The following SEMA3E variants were observed in gnomAD, a reference collection of about 807,000 sequenced individuals.
The protein encoded by SEMA3E is semaphorin 3E.
A neutral mutation model predicts 93.6 loss-of-function variants in SEMA3E; 49 were observed. The ratio of observed to expected loss-of-function variants is 0.52; its 90% CI spans 0.42 to 0.66. The LOEUF is 0.66. Ranked by LOEUF, SEMA3E falls within the 30% of genes least tolerant of loss-of-function variation. The pLI is 0.00. For synonymous variants in SEMA3E, 363 were observed against 330.7 expected (o/e 1.10, Z -1.06); for missense variants, 906 against 964.8 (o/e 0.94, Z 0.81).
Position 83,408,378 on chromosome 7 carries a change from A to T in SEMA3E, c.660T>A (p.Arg220=). The part of the protein sequence containing the change: ...AHIRTEHDDE[R]LLKEPKFVGS... ...TTTCCTCATCCTTACCTTTCAACAGACGCTCATCGTCATGCTCAGTGCGGA... is the reference window on the plus strand; with the variant it reads ...TTTCCTCATCCTTACCTTTCAACAGTCGCTCATCGTCATGCTCAGTGCGGA... The change falls in exon 6 of 17, where the codon CGT becomes CGA. Residue 220 remains arginine (R), a synonymous_variant. Transcript: ENST00000643230. 6.2e-7 allele frequency: 1 copy of T among 1,613,756 alleles called. No individual in the cohort carries two copies. The highest frequency in any genetic ancestry group is 8.5e-7 in the Non-Finnish European group (1 of 1,179,830).
At chr7:83,583,318 G>A (rs1792552864) in intron 1 of SEMA3E, among the ~76,000 whole-genome samples, 2 of 152,172 alleles carry the variant, frequency 1.3e-5, no homozygotes, top group South Asian at 2.1e-4. Context: ...AGGATAATTA[G>A]CATTTTCATC....
chr7:83,469,802 C>A (rs1584270046), intron 2 of SEMA3E, among the ~76,000 whole-genome samples: 1 of 151,898 alleles, frequency 6.6e-6, no homozygotes, highest in South Asian at 2.1e-4. Flanking sequence ...TATTTATTAT[C>A]TTTTATTTTT....
intron 1 of SEMA3E, among the ~76,000 whole-genome samples, chr7:83,586,665 AG>A (rs1792633954): frequency 6.6e-6 from 1 of 151,648 alleles, no homozygotes; most frequent in Admixed American, 6.6e-5. Context: ...GACAAGCAGA[AG>A]AAGGGATTAT....
chr7:83,409,570 TTGCAATGTGTA>T (rs1356550966), intron 5 of SEMA3E, among the ~76,000 whole-genome samples: 7 of 152,146 alleles, frequency 4.6e-5, no homozygotes, highest in African/African-American at 1.7e-4. Flanking sequence ...TTTGTTAAGT[TTGCAATGTGTA>T]TGCATACACA....
chr7:83,438,411 T>C (rs757281256), intron 4 of SEMA3E, among the ~76,000 whole-genome samples: 1 of 152,136 alleles, frequency 6.6e-6, no homozygotes, highest in Non-Finnish European at 1.5e-5. Flanking sequence ...AAAATGAAGT[T>C]TCGTAGTAAT....
chr7:83,538,289 A>C (rs1791446727), intron 1 of SEMA3E, among the ~76,000 whole-genome samples: 1 of 152,180 alleles, frequency 6.6e-6, no homozygotes, highest in Non-Finnish European at 1.5e-5. Flanking sequence ...AAGCAGCTGC[A>C]TCATTTTACA....
chr7:83,561,002 T>G (rs886097943), intron 1 of SEMA3E, among the ~76,000 whole-genome samples: 1 of 152,072 alleles, frequency 6.6e-6, no homozygotes, highest in Non-Finnish European at 1.5e-5. Flanking sequence ...ATTTACTAAT[T>G]TAGAAATCCT....
intron 16 of SEMA3E, among the ~76,000 whole-genome samples, chr7:83,381,554 T>G: frequency 6.6e-6 from 1 of 151,998 alleles, no homozygotes; most frequent in East Asian, 1.9e-4. Context: ...TTTTTTTCTT[T>G]ATCATTATCT....
At position 83,394,299 on chromosome 7, in the gene SEMA3E, G is replaced by C; in HGVS notation, c.1498C>G (p.Arg500Gly). The C allele has an allele frequency of 6.2e-7, 1 of 1,612,594 alleles. No individual in the cohort carries two copies. The highest frequency in any genetic ancestry group is 1.7e-4 in the Middle Eastern group (1 of 6,048). ...PIISMEISSK[R>G]QQLYIGSASA... Reference sequence around the variant, plus strand: ...ACACACACACACACAGAACTTACCCGCTTTGAAGAAATCTCCATAGAAATA... The same window carrying C: ...ACACACACACACACAGAACTTACCCCCTTTGAAGAAATCTCCATAGAAATA... The change falls in exon 13 of 17, where the codon CGG becomes GGG. Residue 500 changes from arginine (R) to glycine (G), a missense_variant and splice_region_variant. Transcript: ENST00000643230.
intron 1 of SEMA3E, among the ~76,000 whole-genome samples, chr7:83,499,385 GTAAT>G (rs1790552427): frequency 1.3e-5 from 2 of 152,104 alleles, no homozygotes; most frequent in Admixed American, 6.5e-5. Context: ...TAAACCATAT[GTAAT>G]TAAAGTTTAG....
At chr7:83,646,344 G>T (rs930202673) in intron 1 of SEMA3E, among the ~76,000 whole-genome samples, 3 of 151,934 alleles carry the variant, frequency 2.0e-5, no homozygotes, top group Non-Finnish European at 4.4e-5. Context: ...TATTGTATTG[G>T]TGGGACTGAA....
At chr7:83,408,103 G>T (rs532674754) in intron 6 of SEMA3E, among the ~76,000 whole-genome samples, 2 of 152,152 alleles carry the variant, frequency 1.3e-5, no homozygotes, top group East Asian at 3.9e-4. Flanking sequence ...TCATACATTT[G>T]TTTTGTTTTC....
chr7:83,646,962 T>A (rs910077000), intron 1 of SEMA3E, among the ~76,000 whole-genome samples: 5 of 152,036 alleles, frequency 3.3e-5, no homozygotes, highest in Non-Finnish European at 5.9e-5. Context: ...TCAATTATAT[T>A]TTTTTGCATT....
intron 9 of SEMA3E, among the ~76,000 whole-genome samples, chr7:83,404,376 C>T (rs988153501): frequency 6.6e-6 from 1 of 151,776 alleles, no homozygotes; most frequent in Admixed American, 6.6e-5. Flanking sequence ...CCCACGTAAG[C>T]ACAGTATACA....
At chr7:83,639,238 A>T (rs1793949657) in intron 1 of SEMA3E, among the ~76,000 whole-genome samples, 1 of 151,034 alleles carries the variant, frequency 6.6e-6, no homozygotes, top group African/African-American at 2.4e-5. Flanking sequence ...CACTCTGTGT[A>T]GCATTCATTT....
At chr7:83,559,297 A>G (rs1040598094) in intron 1 of SEMA3E, among the ~76,000 whole-genome samples, 1 of 152,116 alleles carries the variant, frequency 6.6e-6, no homozygotes, top group African/African-American at 2.4e-5. Context: ...TTGTGCAACC[A>G]TAAAAAGTCA....
intron 4 of SEMA3E, among the ~76,000 whole-genome samples, chr7:83,460,129 C>T (rs978801642): frequency 1.3e-5 from 2 of 152,174 alleles, no homozygotes; most frequent in African/African-American, 4.8e-5. Flanking sequence ...AATTTGGTGC[C>T]GTGATTCAGA....
intron 1 of SEMA3E, among the ~76,000 whole-genome samples, chr7:83,498,518 C>A (rs543635145): frequency 6.6e-6 from 1 of 151,806 alleles, no homozygotes; most frequent in African/African-American, 2.4e-5. Flanking sequence ...CACTCTGTTG[C>A]CCCCGCTGGA....
intron 2 of SEMA3E, among the ~76,000 whole-genome samples, chr7:83,482,091 G>C (rs1169654166): frequency 3.3e-5 from 5 of 152,122 alleles, no homozygotes; most frequent in African/African-American, 1.2e-4. Context: ...CTAATGTGCA[G>C]CCAAGGTTGC....
Sources: allele counts gnomAD v4.1 joint callset (sites outside exome capture counted in the v4.1 genomes callset), GRCh38; gene constraint gnomAD v4.1.1; transcripts MANE v1.5; gene names NCBI Gene and HGNC (gene_info 2026-07-23, HGNC 2026-07-21).